The following YWHAE variants were observed in gnomAD, a reference collection of about 807,000 sequenced individuals.
The protein encoded by YWHAE is 14-3-3 protein epsilon.
Under a neutral mutation model 30.1 loss-of-function variants are expected in YWHAE, and 4 were observed. The observed-to-expected ratio is 0.13, with a 90% CI of 0.07 to 0.30. The LOEUF (loss-of-function observed/expected upper bound fraction) is 0.30, where lower values mean the gene tolerates loss of function less well. Ranked by LOEUF, YWHAE falls within the 10% of genes least tolerant of loss-of-function variation. The pLI, the probability that YWHAE is intolerant of heterozygous loss-of-function variation, is 1.00. For missense variants in YWHAE, 121 were observed against 315.9 expected, an observed-to-expected ratio of 0.38 and a Z score of 4.68; for synonymous variants, 118 against 111.8, an observed-to-expected ratio of 1.06 and a Z score of -0.35.
intron 1 of YWHAE, among the ~76,000 whole-genome samples, chr17:1,397,643 A>G (rs2073494725): frequency 6.6e-6 from 1 of 152,110 alleles, no homozygotes; most frequent in Non-Finnish European, 1.5e-5. Flanking sequence ...ACACTGTCTT[A>G]CCTTCTTCCA....
chr17:1,372,449 G>A (rs1018662720), intron 1 of YWHAE, among the ~76,000 whole-genome samples: 1 of 152,190 alleles, frequency 6.6e-6, no homozygotes, highest in Non-Finnish European at 1.5e-5. Context: ...TCACAACTGT[G>A]GTGCAAGAGG....
intron 4 of YWHAE, among the ~76,000 whole-genome samples, chr17:1,360,452 A>G (rs1205640133): frequency 6.6e-6 from 1 of 152,182 alleles, no homozygotes; most frequent in Non-Finnish European, 1.5e-5. Context: ...AGTAACTATT[A>G]AAAACATGCC....
chr17:1,350,327 T>C (rs1244747770), intron 5 of YWHAE, among the ~76,000 whole-genome samples: 3 of 152,238 alleles, frequency 2.0e-5, no homozygotes, highest in Admixed American at 6.5e-5. Flanking sequence ...TCTTTAGTTC[T>C]GTACATAGAC....
intron 1 of YWHAE, 61 bp downstream of exon 1, chr17:1,399,986 C>A: frequency 6.2e-7 from 1 of 1,600,168 alleles, no homozygotes; most frequent in Non-Finnish European, 8.6e-7. Context: ...CTGTTCCCGG[C>A]CTCTGTGGGC....
At chr17:1,382,972 C>T (rs1052372895) in intron 1 of YWHAE, among the ~76,000 whole-genome samples, 27 of 151,406 alleles carry the variant, frequency 1.8e-4, no homozygotes, top group African/African-American at 6.3e-4. Context: ...TTGCAGTGAG[C>T]TGACCTCATG....
intron 1 of YWHAE, among the ~76,000 whole-genome samples, chr17:1,391,471 C>T (rs1373573265): frequency 6.6e-6 from 1 of 152,148 alleles, no homozygotes; most frequent in African/African-American, 2.4e-5. Context: ...TTTATGCCTG[C>T]TGTTGTAGCT....
At chr17:1,388,734 AAC>A (rs1401097464) in intron 1 of YWHAE, among the ~76,000 whole-genome samples, 5 of 152,012 alleles carry the variant, frequency 3.3e-5, no homozygotes, top group Non-Finnish European at 5.9e-5. Context: ...TCAAAATTTC[AAC>A]ACTTTAATAT....
intron 1 of YWHAE, among the ~76,000 whole-genome samples, chr17:1,390,374 T>C (rs1384039481): frequency 6.6e-6 from 1 of 152,202 alleles, no homozygotes; most frequent in Non-Finnish European, 1.5e-5. Flanking sequence ...ATATCTTACA[T>C]AAGGACTAAG....
chr17:1,359,819 TGTG>T (rs1567962429), intron 4 of YWHAE, among the ~76,000 whole-genome samples: 10 of 56,604 alleles, frequency 1.8e-4, no homozygotes, highest in Non-Finnish European at 4.0e-4. Context: ...TTGTTGTGTG[TGTG>T]TGTGTGTGTG....
chr17:1,381,204 C>G (rs865944363), intron 1 of YWHAE, among the ~76,000 whole-genome samples: 1 of 152,224 alleles, frequency 6.6e-6, no homozygotes, highest in Admixed American at 6.5e-5. Context: ...ATGGCGAAAC[C>G]CCACCTCCAC....
intron 1 of YWHAE, among the ~76,000 whole-genome samples, chr17:1,382,780 T>C (rs2073235070): frequency 6.6e-6 from 1 of 152,076 alleles, no homozygotes; most frequent in Non-Finnish European, 1.5e-5. Flanking sequence ...TTCCCAGCAA[T>C]TTGAGAGGCT....
chr17:1,360,740 T>C (rs1191121850), intron 4 of YWHAE, among the ~76,000 whole-genome samples: 1 of 152,118 alleles, frequency 6.6e-6, no homozygotes, highest in African/African-American at 2.4e-5. Flanking sequence ...CACTCTAGCC[T>C]GGGAGACAGA....
intron 4 of YWHAE, among the ~76,000 whole-genome samples, chr17:1,357,626 C>T (rs528883676): frequency 6.6e-6 from 1 of 151,556 alleles, no homozygotes; most frequent in Non-Finnish European, 1.5e-5. Context: ...GCAATATTTA[C>T]TGTAAAAATT....
chr17:1,392,966 G>A (rs1320315212), intron 1 of YWHAE, among the ~76,000 whole-genome samples: 1 of 151,990 alleles, frequency 6.6e-6, no homozygotes, highest in Non-Finnish European at 1.5e-5. Flanking sequence ...ACTTTGGGAG[G>A]CCAAGTCTGA....
intron 1 of YWHAE, among the ~76,000 whole-genome samples, chr17:1,390,848 C>A (rs879158485): frequency 6.6e-6 from 1 of 152,068 alleles, no homozygotes; most frequent in South Asian, 2.1e-4. Flanking sequence ...GTTGGAAGGG[C>A]AATAAATTCA....
At chr17:1,352,529 CT>C (rs10707421) in intron 5 of YWHAE, among the ~76,000 whole-genome samples, 16,728 of 143,806 alleles carry the variant, frequency 0.12, 981 homozygotes, top group Non-Finnish European at 0.15. Flanking sequence ...AACGTTATCT[CT>C]TTTTTTTTTT....
intron 1 of YWHAE, among the ~76,000 whole-genome samples, chr17:1,366,372 T>C (rs2072941922): frequency 6.6e-6 from 1 of 151,400 alleles, no homozygotes; most frequent in East Asian, 2.0e-4. Context: ...AAACGGTCTC[T>C]ACTAAAAATA....
At chr17:1,396,283 G>A (rs757690693) in intron 1 of YWHAE, among the ~76,000 whole-genome samples, 1 of 151,758 alleles carries the variant, frequency 6.6e-6, no homozygotes, top group African/African-American at 2.4e-5. Flanking sequence ...AATTAGCATG[G>A]CATGGTGGCA....
intron 1 of YWHAE, among the ~76,000 whole-genome samples, chr17:1,367,270 T>C (rs962672591): frequency 6.6e-6 from 1 of 152,154 alleles, no homozygotes; most frequent in Non-Finnish European, 1.5e-5. Context: ...ATAAGCACAC[T>C]GATGTTCACA....
Sources: allele counts gnomAD v4.1 joint callset (sites outside exome capture counted in the v4.1 genomes callset), GRCh38; gene constraint gnomAD v4.1.1; transcripts MANE v1.5; gene names NCBI Gene and HGNC (gene_info 2026-07-23, HGNC 2026-07-21).